The following PSMD10 variants were observed in gnomAD, a reference collection of about 807,000 sequenced individuals.
The protein encoded by PSMD10 is proteasome 26S subunit, non-ATPase 10.
Under a neutral mutation model 13.2 loss-of-function variants are expected in PSMD10, and 2 were observed. The observed-to-expected ratio is 0.15, with a 90% confidence interval of 0.06 to 0.48. The LOEUF (loss-of-function observed/expected upper bound fraction) is 0.48. Ranked by LOEUF, PSMD10 falls within the 20% of genes least tolerant of loss-of-function variation. The pLI is 0.97. For missense variants in PSMD10, 120 were observed against 167.4 expected (o/e 0.72, Z 1.56); for synonymous variants, 66 against 64.4 (o/e 1.03, Z -0.12).
At chrX:108,089,391 T>C (rs749424279) in intron 1 of PSMD10, among the ~76,000 whole-genome samples, 1 of 112,129 alleles carries the variant, frequency 8.9e-6, no homozygotes, top group Non-Finnish European at 1.9e-5. Flanking sequence ...TCAAGTTAGA[T>C]GCTGTAGAAG....
In PSMD10 at chrX:108,089,780, G is replaced by A. The variant is rs374353927; in HGVS notation, c.115-930C>T. Among the ~76,000 whole-genome samples the A allele has an allele frequency of 4.6e-4, 51 of 110,981 alleles. No homozygotes were observed. In the East Asian group the frequency reaches 7.6e-3, roughly 17 times the overall value. On this transcript the variant is annotated intron_variant, in intron 1 of 4. Transcript: ENST00000217958. ...CCCGGGAGGCAGAGGTTGCAGTGAG[G>A]TGATACGGCACCACTGCACTCCAGC...
At chrX:108,088,686 T>G in intron 2 of PSMD10, 66 bp downstream of exon 2, 8 of 927,805 alleles carry the variant, frequency 8.6e-6, no homozygotes, top group Non-Finnish European at 1.2e-5. Flanking sequence ...CAGGCTTCAG[T>G]AAACACCAGT....
chrX:108,089,114 C>G (rs746407633), intron 1 of PSMD10, among the ~76,000 whole-genome samples: 1 of 112,464 alleles, frequency 8.9e-6, no homozygotes, highest in South Asian at 3.7e-4. Flanking sequence ...GATTTCAATG[C>G]TTTGACAGAA....
At chrX:108,088,410 T>C (rs2031524719) in intron 2 of PSMD10, 1 of 306,915 alleles carries the variant, frequency 3.3e-6, no homozygotes, top group Admixed American at 5.6e-5. Context: ...GATCTGTATG[T>C]TTATTTTTGT....
chrX:108,088,982 T>TA, intron 1 of PSMD10, 132 bp from the exon 2 acceptor site: 1 of 428,310 alleles, frequency 2.3e-6, no homozygotes, highest in Non-Finnish European at 4.1e-6. Flanking sequence ...TAGGTAACCT[T>TA]AAACTATATT....
chrX:108,088,229 T>C, intron 2 of PSMD10, 130 bp from the exon 3 acceptor site: 1 of 630,909 alleles, frequency 1.6e-6, no homozygotes. Context: ...GGTTCCATTC[T>C]TACTCTTCAC....
chrX:108,088,874 C>T (rs2031530019), intron 1 of PSMD10, 24 bp from the exon 2 acceptor site: 1 of 1,089,837 alleles, frequency 9.2e-7, no homozygotes, highest in African/African-American at 1.9e-5. Context: ...GTAATAGAAA[C>T]ATTCTTGAAA....
chrX:108,090,661 T>C (rs1269420671), intron 1 of PSMD10, among the ~76,000 whole-genome samples: 1 of 111,933 alleles, frequency 8.9e-6, no homozygotes, highest in Admixed American at 9.4e-5. Flanking sequence ...CACAAGGCCA[T>C]CTATAAATAT....
chrX:108,089,563 G>A (rs1416776597), intron 1 of PSMD10, among the ~76,000 whole-genome samples: 1 of 112,238 alleles, frequency 8.9e-6, no homozygotes, highest in African/African-American at 3.2e-5. Context: ...GCCGGGTGCG[G>A]TGGTTCACGC....
chrX:108,088,636 C>A, intron 2 of PSMD10, 116 bp downstream of exon 2: 1 of 535,556 alleles, frequency 1.9e-6, no homozygotes. Context: ...TGTAACTTTC[C>A]AGTCATAAAG....
chrX:108,088,946 G>A (rs2031531469), intron 1 of PSMD10, 96 bp from the exon 2 acceptor site: 7 of 635,721 alleles, frequency 1.1e-5, no homozygotes, highest in East Asian at 3.3e-5. Context: ...TTGAAAATAC[G>A]AAATGCAGAG....
intron 4 of PSMD10, among the ~76,000 whole-genome samples, chrX:108,085,538 T>C (rs1412469554): frequency 8.9e-6 from 1 of 112,655 alleles, no homozygotes; most frequent in East Asian, 2.8e-4. Context: ...TAAAAGATTT[T>C]ATCTCATTTA....
At chrX:108,085,320 C>T (rs1368813078) in intron 4 of PSMD10, among the ~76,000 whole-genome samples, 193 bp from the exon 5 acceptor site, 1 of 112,197 alleles carries the variant, frequency 8.9e-6, no homozygotes, top group Non-Finnish European at 1.9e-5. Flanking sequence ...CCTTGTAATA[C>T]CAGATCGTAA....
intron 4 of PSMD10, 23 bp from the exon 5 acceptor site, chrX:108,085,150 A>C (rs1276897246): frequency 7.6e-6 from 9 of 1,177,803 alleles, no homozygotes; most frequent in Non-Finnish European, 1.0e-5. Context: ...ACCACCAGAG[A>C]CCAATTAATC....
In PSMD10 at chrX:108,084,397, A is replaced by T. The variant is rs1410420834; in HGVS notation, c.*577T>A. 1 of 112,834 alleles carries T rather than the reference A, an allele frequency of 8.9e-6. No homozygotes were observed. Among genetic ancestry groups the T allele is most frequent in the African/African-American group, 3.2e-5 (1 of 31,089 alleles). 9.3% of individuals were successfully genotyped at this position (112,834 alleles called of 1,213,427 possible). On this transcript the variant is annotated 3_prime_UTR_variant, in exon 5 of 5. Transcript: ENST00000217958. Reference sequence around the variant, plus strand: ...ACCCATCAAAAACAAATACATAGGTATATGGGCTATTGTTTTTCAGTATTT... The same window carrying T: ...ACCCATCAAAAACAAATACATAGGTTTATGGGCTATTGTTTTTCAGTATTT...
chrX:108,088,624 G>T, intron 2 of PSMD10, 128 bp downstream of exon 2: 1 of 497,065 alleles, frequency 2.0e-6, no homozygotes, highest in Non-Finnish European at 3.5e-6. Context: ...CAAGGGCCAT[G>T]ATGTAACTTT....
intron 4 of PSMD10, among the ~76,000 whole-genome samples, chrX:108,086,527 A>G (rs2031499082): frequency 8.9e-6 from 1 of 111,909 alleles, no homozygotes; most frequent in Admixed American, 9.5e-5. Flanking sequence ...CAGAAAATTA[A>G]TATTTTACCA....
intron 1 of PSMD10, among the ~76,000 whole-genome samples, chrX:108,090,560 T>G (rs1366335342): frequency 8.9e-6 from 1 of 112,159 alleles, no homozygotes; most frequent in East Asian, 2.8e-4. Context: ...GAAAACAGTC[T>G]CTTGATTTCT....
chrX:108,086,550 A>G (rs1376085198), intron 4 of PSMD10, among the ~76,000 whole-genome samples: 1 of 112,041 alleles, frequency 8.9e-6, no homozygotes, highest in African/African-American at 3.2e-5. Flanking sequence ...CCAAATCAAG[A>G]GCACTTAAAA....
Sources: allele counts gnomAD v4.1 joint callset (sites outside exome capture counted in the v4.1 genomes callset), GRCh38; gene constraint gnomAD v4.1.1; transcripts MANE v1.5; gene names NCBI Gene and HGNC (gene_info 2026-07-23, HGNC 2026-07-21).